The following NFIB variants were observed in gnomAD, a reference collection of about 807,000 sequenced individuals.
NFIB encodes nuclear factor 1 B-type.
NFIB carries 11 observed loss-of-function variants against 61.5 expected under a neutral mutation model. The observed-to-expected ratio is 0.18, with a 90% CI of 0.11 to 0.30. The LOEUF is 0.30. NFIB is among the 10% of genes least tolerant of loss of function. The pLI is 1.00. For synonymous variants in NFIB, 260 were observed against 216.5 expected, an observed-to-expected ratio of 1.20 and a Z score of -1.76; for missense variants, 471 against 608.9, an observed-to-expected ratio of 0.77 and a Z score of 2.38.
intron 1 of NFIB, chr9:14,362,011 A>G (rs923125957): frequency 1.3e-5 from 2 of 152,224 alleles, no homozygotes; most frequent in African/African-American, 4.8e-5. Context: ...AAAGAAAATC[A>G]TTGATTTGTT....
At chr9:14,323,194 C>G (rs1053690674) in intron 1 of NFIB, among the ~76,000 whole-genome samples, 1 of 151,796 alleles carries the variant, frequency 6.6e-6, no homozygotes, top group African/African-American at 2.4e-5. Context: ...GGTAGTCACG[C>G]GAATATCAAA....
At chr9:14,141,079 G>T (rs1378643573) in intron 6 of NFIB, among the ~76,000 whole-genome samples, 1 of 152,132 alleles carries the variant, frequency 6.6e-6, no homozygotes, top group Non-Finnish European at 1.5e-5. Flanking sequence ...GGCTTAATGC[G>T]TTTGACATTT....
At chr9:14,427,947 T>TTTTG in the NFIB span, among the ~76,000 whole-genome samples, 30 of 101,622 alleles carry the variant, frequency 3.0e-4, 3 homozygotes, top group African/African-American at 1.0e-3. Context: ...GTTTTTTTTT[T>TTTTG]TTTTTTTTTT....
chr9:14,312,567 AG>A (rs1163949615), intron 1 of NFIB, among the ~76,000 whole-genome samples: 2 of 152,152 alleles, frequency 1.3e-5, no homozygotes. Context: ...AACTGCCCCC[AG>A]GTAAGTCTGT....
At chr9:14,144,544 T>C (rs1018425990) in intron 6 of NFIB, among the ~76,000 whole-genome samples, 1 of 152,198 alleles carries the variant, frequency 6.6e-6, no homozygotes, top group Admixed American at 6.5e-5. Context: ...CAATGGTTCA[T>C]TTATACAACT....
chr9:14,113,053 G>A lies in NFIB; in HGVS notation c.1413C>T (p.Ala471=). 6.5e-7 allele frequency: 1 copy of A among 1,550,218 alleles called. No homozygotes were observed. Among genetic ancestry groups the A allele is most frequent in the Non-Finnish European group, 8.7e-7 (1 of 1,146,834 alleles). ...TTGGGCTTAGTCCCACATATCGATTGGCTTGAGATGTGCCTGAGGCTGTGT... is the reference window on the plus strand; with the variant it reads ...TTGGGCTTAGTCCCACATATCGATTAGCTTGAGATGTGCCTGAGGCTGTGT... The part of the protein sequence containing the change: ...EAYTASGTSQ[A]NRYVGLSPRD... Residue 471 remains alanine, a synonymous_variant, in exon 10 of 11, where the codon GCC becomes GCT. Coordinates refer to ENST00000380953, the MANE Select transcript of NFIB (RefSeq NM_001190737.2).
At chr9:14,245,515 G>C (rs1442128304) in intron 2 of NFIB, among the ~76,000 whole-genome samples, 1 of 151,922 alleles carries the variant, frequency 6.6e-6, no homozygotes, top group Non-Finnish European at 1.5e-5. Context: ...TGCTCTCAAG[G>C]TTCTTCAAGT....
Position 14,302,976 on chromosome 9 carries a change from A to T in NFIB, c.562+4013T>A, listed in dbSNP as rs1341843476. Among the ~76,000 whole-genome samples the T allele has an allele frequency of 2.6e-5, 4 of 152,202 alleles. No homozygotes were observed. In the South Asian group the frequency reaches 6.2e-4, roughly 24 times the overall value. On this transcript the variant is annotated intron_variant, in intron 2 of 10. Transcript: ENST00000380953. ...TTTTAGGCTTTTGGTTGATTTTCCC[A>T]GTGTACAAAATTGTGCACTGAGAAT...
At chr9:14,329,241 C>T (rs1310715769) in intron 1 of NFIB, among the ~76,000 whole-genome samples, 1 of 152,114 alleles carries the variant, frequency 6.6e-6, no homozygotes, top group Non-Finnish European at 1.5e-5. Context: ...GTGCCAGCAT[C>T]CTAAAGGACA....
intron 1 of NFIB, among the ~76,000 whole-genome samples, chr9:14,326,591 A>G (rs924141631): frequency 2.0e-5 from 3 of 151,362 alleles, no homozygotes; most frequent in African/African-American, 4.8e-5. Context: ...AGCCTTACCA[A>G]CCCCCGGCTA....
At chr9:14,183,745 G>C (rs1191218741) in intron 2 of NFIB, among the ~76,000 whole-genome samples, 2 of 151,906 alleles carry the variant, frequency 1.3e-5, no homozygotes, top group Non-Finnish European at 2.9e-5. Context: ...GAAAAAGAGA[G>C]GAGTTTTTGG....
intron 1 of NFIB, among the ~76,000 whole-genome samples, chr9:14,332,305 C>G (rs928162785): frequency 1.4e-5 from 2 of 147,198 alleles, no homozygotes; most frequent in Non-Finnish European, 3.0e-5. Context: ...TGCACTCCAG[C>G]CTGGGCAACA....
At chr9:14,159,254 C>T (rs1374425776) in intron 3 of NFIB, among the ~76,000 whole-genome samples, 2 of 152,196 alleles carry the variant, frequency 1.3e-5, no homozygotes, top group Admixed American at 6.5e-5. Context: ...CTCCACTCCC[C>T]ACCCCCAACT....
the NFIB span, among the ~76,000 whole-genome samples, chr9:14,442,394 C>G: frequency 1.4e-3 from 206 of 152,190 alleles, no homozygotes; most frequent in African/African-American, 4.6e-3. Context: ...TGAGCAAGAG[C>G]AAAAAATGCA....
the NFIB span, among the ~76,000 whole-genome samples, chr9:14,425,723 G>T: frequency 6.6e-6 from 1 of 150,900 alleles, no homozygotes; most frequent in South Asian, 2.1e-4. Context: ...CCAGAAGTGT[G>T]GTACTGTGAT....
At chr9:14,460,520 A>T in the NFIB span, among the ~76,000 whole-genome samples, 1 of 152,224 alleles carries the variant, frequency 6.6e-6, no homozygotes, top group Admixed American at 6.5e-5. Context: ...AGTATAATAA[A>T]AAAAAAAGAG....
chr9:14,179,357 A>G (rs2046505380), intron 3 of NFIB, among the ~76,000 whole-genome samples: 2 of 152,140 alleles, frequency 1.3e-5, no homozygotes, highest in Admixed American at 1.3e-4. Context: ...AGAGTTGATA[A>G]ACTATAATTG....
At chr9:14,349,561 G>T (rs1462318672) in intron 1 of NFIB, among the ~76,000 whole-genome samples, 1 of 152,116 alleles carries the variant, frequency 6.6e-6, no homozygotes, top group Non-Finnish European at 1.5e-5. Context: ...GGGTCCAAAG[G>T]GAAGAAAAGA....
At chr9:14,167,077 GTGTGTC>G (rs796297081) in intron 3 of NFIB, among the ~76,000 whole-genome samples, 39 of 113,768 alleles carry the variant, frequency 3.4e-4, no homozygotes, top group African/African-American at 1.4e-3. Flanking sequence ...TGTTGTGTGT[GTGTGTC>G]GGGGGGGGGG....
Sources: allele counts gnomAD v4.1 joint callset (sites outside exome capture counted in the v4.1 genomes callset), GRCh38; gene constraint gnomAD v4.1.1; transcripts MANE v1.5; gene names NCBI Gene and HGNC (gene_info 2026-07-23, HGNC 2026-07-21).